The following LUZP2 variants were observed in gnomAD, a reference collection of about 807,000 sequenced individuals.
LUZP2 encodes the protein leucine zipper protein 2.
LUZP2 carries 52 observed loss-of-function variants against 51.6 expected under a neutral mutation model. That is an observed-to-expected ratio of 1.01 (90% confidence interval 0.81 to 1.27). The LOEUF (loss-of-function observed/expected upper bound fraction) is 1.27. Ranked by LOEUF, LUZP2 falls within the 50% of genes most tolerant of loss-of-function variation. The pLI is 0.00. For missense variants in LUZP2, 436 were observed against 395.4 expected, an observed-to-expected ratio of 1.10 and a Z score of -0.87; for synonymous variants, 154 against 137.3, an observed-to-expected ratio of 1.12 and a Z score of -0.85.
At chr11:24,932,625 C>G (rs998704000) in intron 7 of LUZP2, among the ~76,000 whole-genome samples, 7 of 152,120 alleles carry the variant, frequency 4.6e-5, no homozygotes, top group African/African-American at 1.2e-4. Flanking sequence ...GCACACAGCT[C>G]AAAAGGCTGC....
chr11:24,973,534 G>T (rs1001818729), intron 7 of LUZP2, among the ~76,000 whole-genome samples: 1 of 151,654 alleles, frequency 6.6e-6, no homozygotes, highest in African/African-American at 2.4e-5. Context: ...GTGTTGTCAC[G>T]TTGTTAATCT....
intron 1 of LUZP2, among the ~76,000 whole-genome samples, chr11:24,655,140 A>G (rs1270630251): frequency 1.3e-5 from 2 of 152,310 alleles, no homozygotes; most frequent in African/African-American, 4.8e-5. Context: ...AGATGCTTTC[A>G]TTGAAACATC....
chr11:25,007,777 T>G (rs1467345404), intron 9 of LUZP2, among the ~76,000 whole-genome samples: 1 of 152,166 alleles, frequency 6.6e-6, no homozygotes. Context: ...TATATACATA[T>G]GTATCTACTG....
intron 1 of LUZP2, among the ~76,000 whole-genome samples, chr11:24,631,368 C>G (rs1382366450): frequency 6.6e-6 from 1 of 150,506 alleles, no homozygotes; most frequent in Non-Finnish European, 1.5e-5. Flanking sequence ...CCTTCAATGC[C>G]TAGTAGGTTC....
At chr11:24,774,230 T>C (rs1413686389) in intron 5 of LUZP2, among the ~76,000 whole-genome samples, 1 of 150,922 alleles carries the variant, frequency 6.6e-6, no homozygotes, top group Non-Finnish European at 1.5e-5. Flanking sequence ...GACTTCAAAT[T>C]CTTCAGCTCT....
chr11:24,891,241 T>C (rs1852844450), intron 5 of LUZP2: 47 of 984,780 alleles, frequency 4.8e-5, no homozygotes, highest in Non-Finnish European at 5.4e-5. Flanking sequence ...AATTTAGCAT[T>C]TCCACAAAAA....
intron 5 of LUZP2, among the ~76,000 whole-genome samples, chr11:24,874,703 A>T (rs1366553809): frequency 6.6e-6 from 1 of 152,162 alleles, no homozygotes; most frequent in Non-Finnish European, 1.5e-5. Flanking sequence ...TTGCAGACTC[A>T]TGGAGTGTGG....
intron 7 of LUZP2, among the ~76,000 whole-genome samples, chr11:24,923,303 A>C (rs1435572515): frequency 6.6e-6 from 1 of 152,154 alleles, no homozygotes; most frequent in Non-Finnish European, 1.5e-5. Flanking sequence ...AAAAATCAAA[A>C]TCTTCGGTCC....
chr11:24,848,698 T>A (rs951678857), intron 5 of LUZP2, among the ~76,000 whole-genome samples: 7 of 152,150 alleles, frequency 4.6e-5, no homozygotes, highest in Non-Finnish European at 1.0e-4. Context: ...CCTGTTAGAG[T>A]TTGCCATCAT....
At chr11:24,987,015 C>G (rs1856207142) in intron 9 of LUZP2, among the ~76,000 whole-genome samples, 1 of 151,728 alleles carries the variant, frequency 6.6e-6, no homozygotes, top group African/African-American at 2.4e-5. Context: ...CTTAACTTTT[C>G]TAAGACTCAT....
At chr11:24,558,270 T>G (rs1223620229) in intron 1 of LUZP2, among the ~76,000 whole-genome samples, 1 of 152,122 alleles carries the variant, frequency 6.6e-6, no homozygotes, top group Admixed American at 6.5e-5. Context: ...GAACCTGAGC[T>G]GAGCCACACT....
At chr11:24,572,192 A>G (rs935158122) in intron 1 of LUZP2, among the ~76,000 whole-genome samples, 1 of 152,020 alleles carries the variant, frequency 6.6e-6, no homozygotes, top group Admixed American at 6.6e-5. Flanking sequence ...TTATTGTCAA[A>G]TTCCAACTAT....
At chr11:24,765,326 A>T (rs1033220387) in intron 5 of LUZP2, among the ~76,000 whole-genome samples, 4 of 152,202 alleles carry the variant, frequency 2.6e-5, no homozygotes, top group Non-Finnish European at 5.9e-5. Context: ...GGTGAGGGAG[A>T]TAAAACAGAT....
chr11:25,043,792 A>G (rs1858156648), intron 9 of LUZP2, among the ~76,000 whole-genome samples: 1 of 147,874 alleles, frequency 6.8e-6, no homozygotes, highest in Non-Finnish European at 1.5e-5. Flanking sequence ...GTGTGTATAT[A>G]TATATCTGTC....
intron 4 of LUZP2, among the ~76,000 whole-genome samples, chr11:24,750,365 A>G (rs1305785212): frequency 1.3e-5 from 2 of 152,204 alleles, no homozygotes; most frequent in Non-Finnish European, 2.9e-5. Context: ...CATTTGCATT[A>G]TACTTGCCTC....
chr11:25,036,360 TC>T (rs1268922815), intron 9 of LUZP2, among the ~76,000 whole-genome samples: 1 of 151,208 alleles, frequency 6.6e-6, no homozygotes, highest in Non-Finnish European at 1.5e-5. Context: ...ATCTTCTCTT[TC>T]TTTTTCTTTG....
Position 25,079,829 on chromosome 11 carries a change from A to G in LUZP2, c.*1171A>G, listed in dbSNP as rs2134066568. On this transcript the variant is annotated 3_prime_UTR_variant, in exon 12 of 12. Transcript: ENST00000336930. ...TTTTTGCAACCGTAGAAAGCATATT[A>G]AACCATTGGTTTTGCAGGATGGATC... 1 of 152,280 alleles carries G rather than the reference A, an allele frequency of 6.6e-6. No homozygotes were observed. Among genetic ancestry groups the G allele is most frequent in the African/African-American group, 2.4e-5 (1 of 41,572 alleles). 9.4% of individuals were successfully genotyped at this position (152,280 alleles called of 1,614,324 possible).
intron 5 of LUZP2, among the ~76,000 whole-genome samples, chr11:24,868,885 C>G (rs916020452): frequency 2.6e-5 from 4 of 152,118 alleles, no homozygotes; most frequent in Non-Finnish European, 5.9e-5. Context: ...ACTTCCTGAT[C>G]AAAGCTTCTT....
At chr11:24,974,026 A>T (rs1855819765) in intron 7 of LUZP2, among the ~76,000 whole-genome samples, 1 of 152,060 alleles carries the variant, frequency 6.6e-6, no homozygotes, top group African/African-American at 2.4e-5. Flanking sequence ...TAATATTGTC[A>T]GTGGGGTGTT....
Sources: allele counts gnomAD v4.1 joint callset (sites outside exome capture counted in the v4.1 genomes callset), GRCh38; gene constraint gnomAD v4.1.1; transcripts MANE v1.5; gene names NCBI Gene and HGNC (gene_info 2026-07-23, HGNC 2026-07-21).